NBEA: variants seen among roughly 807,000 people sequenced by gnomAD.
The protein encoded by NBEA is neurobeachin.
Under a neutral mutation model 343.4 loss-of-function variants are expected in NBEA, and 44 were observed. The observed-to-expected ratio is 0.13, with a 90% CI of 0.10 to 0.16. NBEA has a LOEUF of 0.16. Among genes scored for constraint, NBEA ranks in the 10% least tolerant of loss-of-function variants. The pLI is 1.00. For missense variants in NBEA, 2,555 were observed against 3,631.3 expected, an observed-to-expected ratio of 0.70 and a Z score of 7.62; for synonymous variants, 1,175 against 1,238.7, an observed-to-expected ratio of 0.95 and a Z score of 1.08.
chr13:34,954,198 A>G (rs369573802), intron 1 of NBEA, among the ~76,000 whole-genome samples: 2 of 152,266 alleles, frequency 1.3e-5, no homozygotes, highest in Non-Finnish European at 1.5e-5. Flanking sequence ...TGCAAATACT[A>G]TACCATTGTA....
chr13:35,067,738 TA>T (rs1252995950), intron 8 of NBEA, among the ~76,000 whole-genome samples: 4 of 152,164 alleles, frequency 2.6e-5, no homozygotes, highest in Middle Eastern at 3.4e-3. Context: ...ATATTTTCTT[TA>T]AAAAAAATTT....
At chr13:35,669,053 A>G (rs1263242544) in intron 58 of NBEA, among the ~76,000 whole-genome samples, 1 of 152,054 alleles carries the variant, frequency 6.6e-6, no homozygotes, top group Non-Finnish European at 1.5e-5. Context: ...ATTTTGTTTT[A>G]TTGTATGTAT....
At chr13:35,246,379 A>G (rs1429102433) in intron 34 of NBEA, among the ~76,000 whole-genome samples, 3 of 152,056 alleles carry the variant, frequency 2.0e-5, no homozygotes, top group African/African-American at 7.2e-5. Context: ...CATATTACGC[A>G]AATTATTTTT....
chr13:35,472,061 A>G (rs1433440014), intron 40 of NBEA, among the ~76,000 whole-genome samples: 1 of 152,052 alleles, frequency 6.6e-6, no homozygotes, highest in African/African-American at 2.4e-5. Context: ...AAAGCCAGTG[A>G]TACTCAATGG....
chr13:35,405,353 G>A (rs2043219803), intron 38 of NBEA, among the ~76,000 whole-genome samples: 1 of 152,158 alleles, frequency 6.6e-6, no homozygotes, highest in Admixed American at 6.6e-5. Flanking sequence ...CCATATCTTA[G>A]TAGACTGTCT....
At chr13:35,609,736 C>G (rs1008244074) in intron 48 of NBEA, among the ~76,000 whole-genome samples, 3 of 152,088 alleles carry the variant, frequency 2.0e-5, no homozygotes, top group Admixed American at 2.0e-4. Context: ...TCTTGCGTTA[C>G]CAATAGCAAA....
intron 34 of NBEA, among the ~76,000 whole-genome samples, chr13:35,280,376 T>C (rs2034970155): frequency 6.6e-6 from 1 of 152,150 alleles, no homozygotes; most frequent in African/African-American, 2.4e-5. Flanking sequence ...ATAAATTGAA[T>C]AATATTATTT....
intron 38 of NBEA, among the ~76,000 whole-genome samples, chr13:35,356,274 T>C (rs2040486490): frequency 1.3e-5 from 2 of 152,160 alleles, no homozygotes; most frequent in South Asian, 4.1e-4. Context: ...AAAACAGGTG[T>C]TCACAAATCC....
At chr13:35,308,666 ATATT>A (rs1566598304) in intron 35 of NBEA, among the ~76,000 whole-genome samples, 1 of 145,550 alleles carries the variant, frequency 6.9e-6, no homozygotes, top group Non-Finnish European at 1.5e-5. Context: ...CCCCATATAT[ATATT>A]TAACCCCAAA....
At chr13:35,095,193 T>C (rs73483953) in intron 10 of NBEA, among the ~76,000 whole-genome samples, 2 of 151,640 alleles carry the variant, frequency 1.3e-5, no homozygotes, top group African/African-American at 4.8e-5. Context: ...AATAAAACTT[T>C]ATGGATCACA....
chr13:35,559,466 GTCT>G (rs2079749081), intron 44 of NBEA, among the ~76,000 whole-genome samples: 2 of 152,074 alleles, frequency 1.3e-5, no homozygotes, highest in Admixed American at 1.3e-4. Flanking sequence ...TAGGATGTTA[GTCT>G]TCTTTTTGAC....
At chr13:35,372,582 A>T (rs601848) in intron 38 of NBEA, among the ~76,000 whole-genome samples, 24 of 151,972 alleles carry the variant, frequency 1.6e-4, no homozygotes, top group Non-Finnish European at 2.9e-4. Context: ...CAACAACTGC[A>T]CTGTGGCCTT....
chr13:35,202,975 CA>C (rs1365868729), intron 31 of NBEA, among the ~76,000 whole-genome samples: 4 of 152,010 alleles, frequency 2.6e-5, no homozygotes, highest in Non-Finnish European at 5.9e-5. Context: ...TTAATATTGC[CA>C]AAATTTGAAT....
At chr13:35,272,734 C>A (rs2152805457) in intron 34 of NBEA, among the ~76,000 whole-genome samples, 1 of 152,110 alleles carries the variant, frequency 6.6e-6, no homozygotes, top group Middle Eastern at 3.4e-3. Flanking sequence ...GACTTTTAAA[C>A]CAACAAAGAT....
intron 38 of NBEA, among the ~76,000 whole-genome samples, chr13:35,404,249 C>G (rs964864796): frequency 4.6e-5 from 7 of 152,190 alleles, no homozygotes; most frequent in South Asian, 2.1e-4. Context: ...CATCCCATTA[C>G]TGGGTATATA....
At chr13:35,486,552 G>T (rs573316737) in intron 41 of NBEA, among the ~76,000 whole-genome samples, 2 of 152,090 alleles carry the variant, frequency 1.3e-5, no homozygotes, top group South Asian at 4.1e-4. Flanking sequence ...CAAATAAAGA[G>T]ACTGAGGTTT....
At chr13:35,640,844 A>G (rs528811786) in intron 49 of NBEA, among the ~76,000 whole-genome samples, 3 of 151,862 alleles carry the variant, frequency 2.0e-5, no homozygotes, top group East Asian at 3.9e-4. Flanking sequence ...CTTCACATTT[A>G]TCTTTACTTC....
At chr13:35,364,254 CAAAT>C (rs987349665) in intron 38 of NBEA, among the ~76,000 whole-genome samples, 11 of 151,798 alleles carry the variant, frequency 7.2e-5, no homozygotes, top group African/African-American at 2.7e-4. Flanking sequence ...CCCATATACA[CAAAT>C]AGTCTATCAG....
intron 38 of NBEA, among the ~76,000 whole-genome samples, chr13:35,368,395 T>C (rs1258352804): frequency 6.6e-6 from 1 of 151,562 alleles, no homozygotes; most frequent in Non-Finnish European, 1.5e-5. Context: ...ATTCTGATTT[T>C]GGTGTATAAT....
Sources: allele counts gnomAD v4.1 joint callset (sites outside exome capture counted in the v4.1 genomes callset), GRCh38; gene constraint gnomAD v4.1.1; transcripts MANE v1.5; gene names NCBI Gene and HGNC (gene_info 2026-07-23, HGNC 2026-07-21).